The following FABP6 variants were observed in gnomAD, a reference collection of about 807,000 sequenced individuals.
The protein encoded by FABP6 is fatty acid binding protein 6.
In FABP6, 13 loss-of-function variants were observed where a neutral mutation model predicts 14.9. That is an observed-to-expected ratio of 0.87 (90% confidence interval 0.57 to 1.39). The LOEUF (loss-of-function observed/expected upper bound fraction) is 1.39, where lower values mean the gene tolerates loss of function less well. FABP6 is among the 40% of genes most tolerant of loss of function. The pLI is 0.00. For synonymous variants in FABP6, 75 were observed against 63.6 expected (o/e 1.18, Z -0.85); for missense variants, 161 against 167.2 (o/e 0.96, Z 0.20).
chr5:160,205,583 G>T (rs1425165717), intron 2 of FABP6, among the ~76,000 whole-genome samples: 1 of 152,200 alleles, frequency 6.6e-6, no homozygotes, highest in Non-Finnish European at 1.5e-5. Context: ...AACCCTGGTG[G>T]TCTTAGTCCC....
At chr5:160,228,372 C>G, upstream of FABP6, 3 of 453,290 alleles carry the variant, frequency 6.6e-6, no homozygotes, top group South Asian at 4.7e-5. Context: ...GCCTGGGAAA[C>G]AAGAGTGAAA....
At chr5:160,198,851 T>G in intron 1 of FABP6, 1 of 528,660 alleles carries the variant, frequency 1.9e-6, no homozygotes, top group Non-Finnish European at 3.4e-6. Flanking sequence ...ATCATCCTGT[T>G]GTTCTTTACA....
intron 3 of FABP6, among the ~76,000 whole-genome samples, chr5:160,235,923 T>C (rs1392554356): frequency 6.6e-6 from 1 of 151,936 alleles, no homozygotes; most frequent in Non-Finnish European, 1.5e-5. Flanking sequence ...AGCAGGAAAG[T>C]ACAAGATCAG....
At chr5:160,199,038 T>C in intron 1 of FABP6, 4 of 1,554,278 alleles carry the variant, frequency 2.6e-6, no homozygotes, top group Non-Finnish European at 2.7e-6. Flanking sequence ...TGGCTTTTTG[T>C]GTCATTGCAG....
intron 3 of FABP6, among the ~76,000 whole-genome samples, chr5:160,216,024 G>C (rs879692589): frequency 6.6e-6 from 1 of 152,142 alleles, no homozygotes; most frequent in East Asian, 1.9e-4. Context: ...CCAATGTGGC[G>C]GAAGGACATT....
chr5:160,200,292 A>C lies in FABP6; in HGVS notation c.51+1135A>C, dbSNP rs545838922. 6.0e-5 allele frequency among the ~76,000 whole-genome samples: 9 copies of C among 150,904 alleles called. No homozygotes were observed. The South Asian group carries it at 1.9e-3, about 32-fold the overall frequency. On this transcript the variant is annotated intron_variant, in intron 2 of 6. Transcript: ENST00000393980. ...TGGCCACCTATTGAGCAGAGGTGGC[A>C]GACCTAGGCCCAGAATCCCCATCTG...
At chr5:160,202,839 T>C (rs1289657123) in intron 2 of FABP6, among the ~76,000 whole-genome samples, 2 of 151,818 alleles carry the variant, frequency 1.3e-5, no homozygotes, top group Non-Finnish European at 2.9e-5. Context: ...TCTTAGCGAT[T>C]CATGAATTGG....
At chr5:160,230,534 G>C (rs187926942) in intron 1 of FABP6, among the ~76,000 whole-genome samples, 83 of 151,704 alleles carry the variant, frequency 5.5e-4, no homozygotes, top group Non-Finnish European at 1.0e-3. Flanking sequence ...CTAATTTTTT[G>C]TATTTTCAGT....
intron 3 of FABP6, among the ~76,000 whole-genome samples, chr5:160,216,648 A>T (rs2113113185): frequency 6.6e-6 from 1 of 152,306 alleles, no homozygotes; most frequent in East Asian, 1.9e-4. Context: ...AGCAAGCACC[A>T]CTTAGTTCAG....
intron 2 of FABP6, among the ~76,000 whole-genome samples, chr5:160,203,200 C>A (rs557962312): frequency 6.6e-6 from 1 of 151,978 alleles, no homozygotes; most frequent in South Asian, 2.1e-4. Context: ...CCACGCCCTG[C>A]CAGAAGCTGG....
intron 2 of FABP6, among the ~76,000 whole-genome samples, chr5:160,201,190 TA>T (rs60061736): frequency 1.3e-4 from 19 of 147,832 alleles, no homozygotes; most frequent in African/African-American, 2.5e-4. Flanking sequence ...ACTCCATCTC[TA>T]AAAAAAAAAT....
At chr5:160,192,880 G>A (rs1759426040) in intron 1 of FABP6, among the ~76,000 whole-genome samples, 1 of 152,266 alleles carries the variant, frequency 6.6e-6, no homozygotes, top group Non-Finnish European at 1.5e-5. Flanking sequence ...GGGAGGCTGA[G>A]GTGGGAGGAT....
rs1014387638 is a variant in FABP6, at chr5:160,229,602, T to G, written c.45T>G (p.Tyr15Ter). Residue 15 changes from tyrosine to a stop codon, truncating the protein, a stop_gained, in exon 1 of 4, where the codon TAT becomes TAG. Coordinates refer to ENST00000402432, the MANE Select transcript of FABP6 (RefSeq NM_001445.3). LOFTEE classifies it high-confidence loss of function. Reference protein sequence around the residue: ...GKFEMESEKNYDEFMKLLGIS... With the variant: ...GKFEMESEKN ...TCGAGATGGAGAGTGAGAAGAATTA[T>G]GATGAGTTCATGAAGCTCCTTGGTG... The G allele has an allele frequency of 6.2e-7, 1 of 1,613,890 alleles. No individual in the cohort carries two copies. Among genetic ancestry groups the G allele is most frequent in the Non-Finnish European group, 8.5e-7 (1 of 1,179,944 alleles).
intron 2 of FABP6, among the ~76,000 whole-genome samples, chr5:160,199,421 G>C (rs1759582409): frequency 6.6e-6 from 1 of 152,142 alleles, no homozygotes; most frequent in African/African-American, 2.4e-5. Flanking sequence ...GCCACCCCTA[G>C]AGACGATGGC....
At chr5:160,205,633 G>A (rs1021317372) in intron 2 of FABP6, among the ~76,000 whole-genome samples, 12 of 152,212 alleles carry the variant, frequency 7.9e-5, no homozygotes, top group Admixed American at 2.0e-4. Flanking sequence ...ATGTGACCAC[G>A]TTCTAGCCAA....
At chr5:160,218,658 G>A (rs1382560139) in intron 3 of FABP6, among the ~76,000 whole-genome samples, 3 of 150,990 alleles carry the variant, frequency 2.0e-5, no homozygotes, top group Admixed American at 6.6e-5. Context: ...ACGGGGTTTC[G>A]CCATGTTGGT....
At chr5:160,235,478 T>C (rs1760488970) in intron 3 of FABP6, among the ~76,000 whole-genome samples, 1 of 152,208 alleles carries the variant, frequency 6.6e-6, no homozygotes, top group Non-Finnish European at 1.5e-5. Flanking sequence ...GGGGACCCAC[T>C]CCTCCTACAC....
upstream of FABP6, among the ~76,000 whole-genome samples, chr5:160,226,283 C>T (rs1760244176): frequency 6.6e-6 from 1 of 151,930 alleles, no homozygotes; most frequent in Non-Finnish European, 1.5e-5. Flanking sequence ...TAAATATAGG[C>T]CGAGCGCGGT....
chr5:160,211,500 C>T (rs1759890073), intron 2 of FABP6, among the ~76,000 whole-genome samples: 1 of 152,166 alleles, frequency 6.6e-6, no homozygotes, highest in Non-Finnish European at 1.5e-5. Context: ...TCAACGAGGA[C>T]ACCCCAGTAC....
Sources: allele counts gnomAD v4.1 joint callset (sites outside exome capture counted in the v4.1 genomes callset), GRCh38; gene constraint gnomAD v4.1.1; transcripts MANE v1.5; gene names NCBI Gene and HGNC (gene_info 2026-07-23, HGNC 2026-07-21).